Variants in UNC5D observed in about 807,000 individuals in gnomAD.
The protein encoded by UNC5D is unc-5 netrin receptor D, also known as netrin receptor UNC5D.
Under a neutral mutation model 105.4 loss-of-function variants are expected in UNC5D, and 39 were observed. The ratio of observed to expected loss-of-function variants is 0.37; its 90% CI spans 0.29 to 0.48. The LOEUF (loss-of-function observed/expected upper bound fraction) is 0.48, where lower values mean the gene tolerates loss of function less well. Among genes scored for constraint, UNC5D ranks in the 20% least tolerant of loss-of-function variants. The pLI, the probability that UNC5D is intolerant of heterozygous loss-of-function variation, is 0.98. For synonymous variants in UNC5D, 452 were observed against 450.4 expected, an observed-to-expected ratio of 1.00 and a Z score of -0.04; for missense variants, 991 against 1,202.4, an observed-to-expected ratio of 0.82 and a Z score of 2.60.
At chr8:35,789,143 AT>A (rs1802894718) in intron 16 of UNC5D, among the ~76,000 whole-genome samples, 1 of 42,008 alleles carries the variant, frequency 2.4e-5, no homozygotes, top group Non-Finnish European at 4.5e-5. Context: ...AAGACTATAT[AT>A]ATATATATAT....
intron 1 of UNC5D, among the ~76,000 whole-genome samples, chr8:35,519,199 T>C (rs533836279): frequency 6.6e-6 from 1 of 152,314 alleles, no homozygotes; most frequent in East Asian, 1.9e-4. Context: ...TTTTCAGATT[T>C]ATCTATATCT....
intron 8 of UNC5D, among the ~76,000 whole-genome samples, chr8:35,714,966 A>T (rs1304802152): frequency 6.6e-6 from 1 of 152,228 alleles, no homozygotes; most frequent in African/African-American, 2.4e-5. Context: ...AGCCTGACCA[A>T]CATGGAGAAG....
chr8:35,364,736 A>G (rs1162840552), intron 1 of UNC5D, among the ~76,000 whole-genome samples: 1 of 152,194 alleles, frequency 6.6e-6, no homozygotes, highest in Non-Finnish European at 1.5e-5. Flanking sequence ...TTATCGCAGT[A>G]CCTCTAATTT....
At chr8:35,659,022 A>G (rs1461144836) in intron 4 of UNC5D, among the ~76,000 whole-genome samples, 1 of 152,186 alleles carries the variant, frequency 6.6e-6, no homozygotes, top group African/African-American at 2.4e-5. Context: ...TCCATGTGGC[A>G]GTGGAAGTTG....
intron 1 of UNC5D, among the ~76,000 whole-genome samples, chr8:35,280,098 C>CA (rs1483057409): frequency 1.3e-5 from 2 of 152,112 alleles, no homozygotes; most frequent in Admixed American, 6.5e-5. Flanking sequence ...TAGGTTCAAA[C>CA]AATTCTCCTG....
intron 1 of UNC5D, among the ~76,000 whole-genome samples, chr8:35,340,772 T>C (rs1180667366): frequency 2.0e-5 from 3 of 152,164 alleles, no homozygotes; most frequent in East Asian, 3.9e-4. Context: ...GAAACAAGGA[T>C]ATAAGGATTT....
intron 1 of UNC5D, among the ~76,000 whole-genome samples, chr8:35,375,371 G>A (rs74896450): frequency 0.024 from 3,646 of 152,234 alleles, 82 homozygotes; most frequent in Non-Finnish European, 0.038. Context: ...TACAGGTGCT[G>A]GGGAAGGAGA....
chr8:35,626,109 C>T (rs947544802), intron 4 of UNC5D, among the ~76,000 whole-genome samples: 2 of 151,588 alleles, frequency 1.3e-5, no homozygotes, highest in African/African-American at 4.9e-5. Flanking sequence ...AATGGGAGCT[C>T]TATGCTGTAA....
At chr8:35,249,682 G>A (rs1803561080) in intron 1 of UNC5D, among the ~76,000 whole-genome samples, 1 of 151,980 alleles carries the variant, frequency 6.6e-6, no homozygotes, top group African/African-American at 2.4e-5. Context: ...CATCTCTTGT[G>A]ACCATAATAA....
intron 1 of UNC5D, among the ~76,000 whole-genome samples, chr8:35,307,999 G>A (rs2950895): frequency 0.36 from 54,841 of 151,876 alleles, 10,906 homozygotes; most frequent in Middle Eastern, 0.45. Context: ...TTGCTATAGA[G>A]GCAACTTTTT....
chr8:35,449,640 C>G (rs1808018843), intron 1 of UNC5D, among the ~76,000 whole-genome samples: 1 of 152,104 alleles, frequency 6.6e-6, no homozygotes. Flanking sequence ...TGTAACTTAA[C>G]TCACTCTATG....
chr8:35,347,372 G>A (rs2128907333), intron 1 of UNC5D, among the ~76,000 whole-genome samples: 1 of 152,050 alleles, frequency 6.6e-6, no homozygotes, highest in South Asian at 2.1e-4. Flanking sequence ...TTGCTTACAT[G>A]TGTGATGAAC....
chr8:35,528,307 T>G (rs1185646103), intron 1 of UNC5D, among the ~76,000 whole-genome samples: 1 of 151,764 alleles, frequency 6.6e-6, no homozygotes, highest in East Asian at 1.9e-4. Context: ...TTTGGTTTTT[T>G]GTTCTTGCGA....
intron 1 of UNC5D, among the ~76,000 whole-genome samples, chr8:35,271,696 C>T (rs1276510984): frequency 4.5e-5 from 3 of 66,934 alleles, no homozygotes; most frequent in African/African-American, 1.7e-4. Context: ...TACATGTATA[C>T]ATGTATACAT....
intron 1 of UNC5D, among the ~76,000 whole-genome samples, chr8:35,421,792 T>G (rs1805922972): frequency 6.6e-6 from 1 of 152,182 alleles, no homozygotes; most frequent in Non-Finnish European, 1.5e-5. Context: ...AGGTTTAGAT[T>G]ACTCTTGGCT....
intron 7 of UNC5D, among the ~76,000 whole-genome samples, chr8:35,694,850 G>A (rs955380464): frequency 6.6e-6 from 1 of 152,014 alleles, no homozygotes; most frequent in Non-Finnish European, 1.5e-5. Context: ...CAAAGTGCTA[G>A]GATAACAGGT....
chr8:35,728,079 A>C (rs1311216241), intron 10 of UNC5D, among the ~76,000 whole-genome samples: 1 of 130,856 alleles, frequency 7.6e-6, no homozygotes, highest in African/African-American at 3.6e-5. Context: ...TCTAAAAAAA[A>C]AAAAAAAAAA....
intron 1 of UNC5D, among the ~76,000 whole-genome samples, chr8:35,300,119 C>A (rs1807820824): frequency 6.6e-6 from 1 of 151,962 alleles, no homozygotes; most frequent in Non-Finnish European, 1.5e-5. Flanking sequence ...GGAAGAACAG[C>A]ACTTCTCTTA....
At chr8:35,442,904 T>TCACA (rs373759766) in intron 1 of UNC5D, among the ~76,000 whole-genome samples, 5,757 of 141,246 alleles carry the variant, frequency 0.041, 119 homozygotes, top group African/African-American at 0.047. Flanking sequence ...TCTCTCTCTC[T>TCACA]CACACACACA....
Sources: allele counts gnomAD v4.1 joint callset (sites outside exome capture counted in the v4.1 genomes callset), GRCh38; gene constraint gnomAD v4.1.1; transcripts MANE v1.5; gene names NCBI Gene and HGNC (gene_info 2026-07-23, HGNC 2026-07-21).